Variants in TNR observed in about 807,000 individuals in gnomAD.
TNR encodes tenascin R, also known as tenascin-R.
Under a neutral mutation model 150.4 loss-of-function variants are expected in TNR, and 45 were observed. That is an observed-to-expected ratio of 0.30 (90% CI 0.24 to 0.38). TNR has a LOEUF of 0.38. TNR is among the 10% of genes least tolerant of loss of function. The pLI is 1.00. For synonymous variants in TNR, 687 were observed against 678.4 expected (o/e 1.01, Z -0.20); for missense variants, 1,544 against 1,759.1 (o/e 0.88, Z 2.19).
intron 1 of TNR, among the ~76,000 whole-genome samples, chr1:175,678,906 T>C (rs1183902821): frequency 1.3e-5 from 2 of 152,170 alleles, no homozygotes; most frequent in Non-Finnish European, 2.9e-5. Context: ...TGGAAAGCTG[T>C]GGTCAGTTGG....
chr1:175,740,518 T>C (rs889567989), intron 1 of TNR, among the ~76,000 whole-genome samples: 3 of 152,012 alleles, frequency 2.0e-5, no homozygotes, highest in Non-Finnish European at 4.4e-5. Flanking sequence ...ACAGCTGACC[T>C]CCTCCTTCCA....
intron 2 of TNR, among the ~76,000 whole-genome samples, chr1:175,471,553 G>A (rs1657292318): frequency 6.6e-6 from 1 of 152,078 alleles, no homozygotes; most frequent in Non-Finnish European, 1.5e-5. Context: ...ACATAGAAGA[G>A]GTACACTAAA....
rs772789738 is a variant in TNR, at chr1:175,362,730, G to A, written c.2787C>T (p.Tyr929=). The A allele has an allele frequency of 8.2e-5, 132 of 1,613,994 alleles. No individual in the cohort carries two copies. The highest frequency in any genetic ancestry group is 1.6e-4 in the South Asian group (15 of 91,080). Residue 929 remains tyrosine (Y), a synonymous_variant, in exon 14 of 23, where the codon TAC becomes TAT. Transcript: ENST00000367674. The stretch of plus-strand genomic sequence containing the variant: ...CCCGCACGCTGTTGAGGCTGATTTC[G>A]TATTCGGTAGCTGGGTTCAGTCTGG... The part of the protein sequence containing the change: ...TITRLNPATE[Y]EISLNSVRGR...
At chr1:175,521,066 T>A (rs954239992) in intron 2 of TNR, among the ~76,000 whole-genome samples, 1 of 152,182 alleles carries the variant, frequency 6.6e-6, no homozygotes, top group Non-Finnish European at 1.5e-5. Context: ...TGTTAGTTTG[T>A]GTCCTTTTCT....
chr1:175,368,720 C>A (rs1023685098), intron 9 of TNR, among the ~76,000 whole-genome samples: 1 of 152,152 alleles, frequency 6.6e-6, no homozygotes, highest in Admixed American at 6.5e-5. Context: ...GAGGCCAAGG[C>A]GGGTGGATCA....
intron 2 of TNR, among the ~76,000 whole-genome samples, chr1:175,522,102 T>A (rs1237068638): frequency 6.6e-6 from 1 of 152,206 alleles, no homozygotes; most frequent in Non-Finnish European, 1.5e-5. Context: ...TTTCCTTTTA[T>A]CCACCCCACT....
intron 18 of TNR, among the ~76,000 whole-genome samples, chr1:175,353,638 T>A (rs59405321): frequency 0.053 from 8,092 of 152,168 alleles, 707 homozygotes; most frequent in African/African-American, 0.18. Context: ...AGTTGTTATA[T>A]AAGAACTGAG....
intron 2 of TNR, among the ~76,000 whole-genome samples, chr1:175,414,422 C>T (rs1217531689): frequency 6.6e-6 from 1 of 152,162 alleles, no homozygotes; most frequent in Non-Finnish European, 1.5e-5. Context: ...CAACGATACA[C>T]TAACAGTTGT....
intron 2 of TNR, among the ~76,000 whole-genome samples, chr1:175,415,145 C>CTT (rs35109798): frequency 4.4e-5 from 6 of 137,110 alleles, no homozygotes; most frequent in Non-Finnish European, 8.0e-5. Flanking sequence ...TTTTTTTGTG[C>CTT]TTTTTTTTTT....
At chr1:175,722,497 C>G (rs1667333709) in intron 1 of TNR, among the ~76,000 whole-genome samples, 1 of 152,146 alleles carries the variant, frequency 6.6e-6, no homozygotes, top group South Asian at 2.1e-4. Context: ...CAAGACCTCA[C>G]TCTGTTGCCC....
At chr1:175,351,014 C>T (rs77314182) in intron 18 of TNR, among the ~76,000 whole-genome samples, 1,984 of 152,278 alleles carry the variant, frequency 0.013, 30 homozygotes, top group Middle Eastern at 0.034. Flanking sequence ...GGAAAGGATG[C>T]TAATTGCTAA....
rs576612165 is a variant in TNR at position 175,510,003 on chromosome 1, G to T, written c.-64+18266C>A. Among the ~76,000 whole-genome samples, 51 of 152,260 alleles carry T rather than the reference G, an allele frequency of 3.3e-4. No homozygotes were observed. The South Asian group carries it at 6.4e-3, about 19-fold the overall frequency. ...GCACTTTGGGAGGATGAGGCGGGCA[G>T]ATTGCTTGAGCCCAGGAGTTTGAGA... On this transcript the variant is annotated intron_variant, in intron 2 of 22. Transcript: ENST00000367674.
intron 22 of TNR, 54 bp from the exon 23 acceptor site, chr1:175,323,530 ACT>A: frequency 6.3e-7 from 1 of 1,592,452 alleles, no homozygotes; most frequent in African/African-American, 1.3e-5. Context: ...GGAACGCCCC[ACT>A]TCAAAAAAGG....
chr1:175,401,688 G>T (rs1442347963), intron 4 of TNR, among the ~76,000 whole-genome samples: 1 of 152,074 alleles, frequency 6.6e-6, no homozygotes, highest in Non-Finnish European at 1.5e-5. Flanking sequence ...TACATGTGCG[G>T]GAACATTGCC....
At chr1:175,664,707 C>A (rs1359008937) in intron 1 of TNR, among the ~76,000 whole-genome samples, 1 of 152,202 alleles carries the variant, frequency 6.6e-6, no homozygotes, top group Non-Finnish European at 1.5e-5. Flanking sequence ...TTTACATAAA[C>A]AACCAATGAA....
chr1:175,618,416 C>A (rs554420631), intron 1 of TNR, among the ~76,000 whole-genome samples: 3 of 152,296 alleles, frequency 2.0e-5, no homozygotes, highest in Admixed American at 6.5e-5. Context: ...CCTGGCAGGG[C>A]TGGTTATTTT....
At chr1:175,528,650 G>A (rs1251628022) in intron 1 of TNR, among the ~76,000 whole-genome samples, 3 of 152,142 alleles carry the variant, frequency 2.0e-5, no homozygotes, top group African/African-American at 7.2e-5. Context: ...CCAGAAATGT[G>A]CTTTAGGTTT....
At chr1:175,542,928 T>G (rs1178759680) in intron 1 of TNR, among the ~76,000 whole-genome samples, 1 of 152,230 alleles carries the variant, frequency 6.6e-6, no homozygotes. Context: ...ACCTTCTGAA[T>G]GTAGCTACTG....
chr1:175,394,179 C>T (rs1167390203), intron 5 of TNR, among the ~76,000 whole-genome samples: 1 of 152,186 alleles, frequency 6.6e-6, no homozygotes, highest in Non-Finnish European at 1.5e-5. Context: ...TATTAAAATG[C>T]AGACATCATT....
Sources: gnomAD v4.1 joint callset for allele counts (sites outside exome capture counted in the v4.1 genomes callset) on GRCh38, gnomAD v4.1.1 for gene constraint, MANE v1.5 for transcripts, NCBI Gene and HGNC (gene_info 2026-07-23, HGNC 2026-07-21) for gene names.